Variants in GRIN3A observed in about 807,000 individuals in gnomAD.
GRIN3A encodes the protein glutamate ionotropic receptor NMDA type subunit 3A, also known as glutamate receptor ionotropic, NMDA 3A.
A neutral mutation model predicts 92.4 loss-of-function variants in GRIN3A; 47 were observed. The observed-to-expected ratio is 0.51, with a 90% confidence interval of 0.40 to 0.65. The LOEUF (loss-of-function observed/expected upper bound fraction) is 0.65, where lower values mean the gene tolerates loss of function less well. Among genes scored for constraint, GRIN3A ranks in the 30% least tolerant of loss-of-function variants. GRIN3A has a pLI of 0.00. For synonymous variants in GRIN3A, 527 were observed against 540.6 expected, an observed-to-expected ratio of 0.97 and a Z score of 0.35; for missense variants, 1,324 against 1,393.1, an observed-to-expected ratio of 0.95 and a Z score of 0.79.
intron 3 of GRIN3A, among the ~76,000 whole-genome samples, chr9:101,652,379 G>A (rs1478766857): frequency 6.6e-6 from 1 of 151,920 alleles, no homozygotes; most frequent in Non-Finnish European, 1.5e-5. Context: ...CTCATGTGGT[G>A]GTTTCCATGA....
At chr9:101,626,084 G>A (rs1828630776) in intron 4 of GRIN3A, among the ~76,000 whole-genome samples, 2 of 152,092 alleles carry the variant, frequency 1.3e-5, no homozygotes, top group Non-Finnish European at 2.9e-5. Flanking sequence ...GTGAGGAAAT[G>A]GCCAAGTGGG....
chr9:101,657,838 G>T (rs1256938609), intron 3 of GRIN3A, among the ~76,000 whole-genome samples: 1 of 151,968 alleles, frequency 6.6e-6, no homozygotes, highest in Admixed American at 6.6e-5. Context: ...AGGGAGTAGT[G>T]ATGGTAATGG....
At chr9:101,684,041 A>G (rs1419423696) in intron 2 of GRIN3A, among the ~76,000 whole-genome samples, 1 of 151,736 alleles carries the variant, frequency 6.6e-6, no homozygotes, top group Admixed American at 6.6e-5. Context: ...TTCTATGTCA[A>G]TCCCCTGCCC....
chr9:101,584,345 ATTG>A (rs1827924234), intron 6 of GRIN3A, among the ~76,000 whole-genome samples: 1 of 152,166 alleles, frequency 6.6e-6, no homozygotes, highest in African/African-American at 2.4e-5. Flanking sequence ...TTAGCATTTT[ATTG>A]TTAATTTACA....
At chr9:101,610,084 T>C (rs890960187) in intron 6 of GRIN3A, among the ~76,000 whole-genome samples, 6 of 152,384 alleles carry the variant, frequency 3.9e-5, no homozygotes, top group African/African-American at 1.4e-4. Flanking sequence ...CACCAAGTGA[T>C]TGTTATTTGG....
rs748067560 is a variant in GRIN3A, at chr9:101,737,685, C to T, written c.295G>A (p.Gly99Arg). ...PAPSPGARWL[G>R]STLHGRGPPG... ...GGCCCCCGGCCATGCAGGGTGCTCCCCAACCAGCGTGCGCCCGGCGAGGGC... is the reference window on the plus strand; with the variant it reads ...GGCCCCCGGCCATGCAGGGTGCTCCTCAACCAGCGTGCGCCCGGCGAGGGC... Residue 99 changes from glycine to arginine, a missense_variant, in exon 1 of 9, where the codon GGG (glycine) becomes AGG (arginine). Coordinates refer to ENST00000361820, the MANE Select transcript of GRIN3A (RefSeq NM_133445.3). 13 of 1,570,776 alleles carry T rather than the reference C, an allele frequency of 8.3e-6. No homozygotes were observed. Among genetic ancestry groups the T allele is most frequent in the Admixed American group, 3.7e-5 (2 of 54,654 alleles).
rs548948457 is a variant in GRIN3A at position 101,575,617 on chromosome 9, C to T, written c.3009-2104G>A. Reference sequence around the variant, plus strand: ...ATGAGAAAGGGACAATACCTACTTCCATATCATGGCCCAAAATTTCTCCAA... The same window carrying T: ...ATGAGAAAGGGACAATACCTACTTCTATATCATGGCCCAAAATTTCTCCAA... On this transcript the variant is annotated intron_variant, in intron 8 of 8. Transcript: ENST00000361820. Among the ~76,000 whole-genome samples, 15 of 152,288 alleles carry T rather than the reference C, an allele frequency of 9.8e-5. No homozygotes were observed. The South Asian group carries it at 1.7e-3, about 17-fold the overall frequency.
chr9:101,678,013 T>G (rs1391122939), intron 2 of GRIN3A, among the ~76,000 whole-genome samples: 1 of 152,138 alleles, frequency 6.6e-6, no homozygotes, highest in Non-Finnish European at 1.5e-5. Context: ...CTGTTCTCCC[T>G]TCCCCACTGC....
chr9:101,671,538 T>G (rs1232580683), intron 2 of GRIN3A, among the ~76,000 whole-genome samples: 2 of 152,188 alleles, frequency 1.3e-5, no homozygotes, highest in African/African-American at 4.8e-5. Context: ...TATCTATGTA[T>G]CTATCGATCT....
chr9:101,637,956 C>A (rs914998664), intron 3 of GRIN3A, among the ~76,000 whole-genome samples: 2 of 150,082 alleles, frequency 1.3e-5, no homozygotes, highest in African/African-American at 5.0e-5. Context: ...CCCTCCCCAC[C>A]TGAATATGGC....
intron 3 of GRIN3A, among the ~76,000 whole-genome samples, chr9:101,655,226 A>G (rs1829069596): frequency 6.6e-6 from 1 of 151,906 alleles, no homozygotes. Flanking sequence ...GGCTAAAATT[A>G]TAATCCTGAA....
At chr9:101,720,056 T>G (rs1364693777) in intron 1 of GRIN3A, among the ~76,000 whole-genome samples, 1 of 152,132 alleles carries the variant, frequency 6.6e-6, no homozygotes, top group African/African-American at 2.4e-5. Flanking sequence ...TTGGGAATTA[T>G]GAAACCCTGC....
intron 6 of GRIN3A, among the ~76,000 whole-genome samples, chr9:101,609,451 G>C (rs1828329859): frequency 6.6e-6 from 1 of 152,202 alleles, no homozygotes; most frequent in African/African-American, 2.4e-5. Flanking sequence ...AGGAGACTCA[G>C]ACGTAAGAGC....
At chr9:101,632,240 C>A (rs1828724671) in intron 3 of GRIN3A, among the ~76,000 whole-genome samples, 1 of 152,170 alleles carries the variant, frequency 6.6e-6, no homozygotes, top group Admixed American at 6.5e-5. Flanking sequence ...CCTTCACTGA[C>A]CCCTAGACCT....
At chr9:101,657,022 A>G (rs1272066027) in intron 3 of GRIN3A, among the ~76,000 whole-genome samples, 1 of 151,926 alleles carries the variant, frequency 6.6e-6, no homozygotes, top group East Asian at 1.9e-4. Context: ...CGTCTAAATT[A>G]GTAACCCATA....
At chr9:101,646,819 T>C (rs1027040085) in intron 3 of GRIN3A, among the ~76,000 whole-genome samples, 1 of 151,878 alleles carries the variant, frequency 6.6e-6, no homozygotes, top group Admixed American at 6.6e-5. Context: ...TTGTTTACTG[T>C]TGGTACATAT....
In GRIN3A at chr9:101,572,896, G is replaced by A. The variant is rs899720679; in HGVS notation, c.*278C>T. On this transcript the variant is annotated 3_prime_UTR_variant, in exon 9 of 9. Transcript: ENST00000361820. The stretch of plus-strand genomic sequence containing the variant: ...TGTGGCACCTGGTGAAAAGGTTAAC[G>A]GCAGCTGGGGTTATCTGGTTATTCA... 2.3e-5 allele frequency: 10 copies of A among 434,522 alleles called. No homozygotes were observed. The highest frequency in any genetic ancestry group is 9.9e-5 in the African/African-American group (5 of 50,478). The allele number at this position is 434,522 out of a possible 1,614,324, so 26.9% of individuals were successfully genotyped here. A position where few individuals can be genotyped will look rare whatever the true frequency, so the allele number is the denominator to read the frequency against.
At chr9:101,704,465 A>G (rs1207120046) in intron 1 of GRIN3A, among the ~76,000 whole-genome samples, 3 of 151,928 alleles carry the variant, frequency 2.0e-5, no homozygotes, top group Non-Finnish European at 1.5e-5. Flanking sequence ...ACTTAGAATG[A>G]TTTGACTTAA....
At chr9:101,616,881 T>A (rs1828462447) in intron 5 of GRIN3A, among the ~76,000 whole-genome samples, 1 of 112,754 alleles carries the variant, frequency 8.9e-6, no homozygotes, top group Non-Finnish European at 1.8e-5. Context: ...CCCTAAAACT[T>A]AAAGTATAAA....
Sources: allele counts gnomAD v4.1 joint callset (sites outside exome capture counted in the v4.1 genomes callset), GRCh38; gene constraint gnomAD v4.1.1; transcripts MANE v1.5; gene names NCBI Gene and HGNC (gene_info 2026-07-23, HGNC 2026-07-21).